B3GALT1: variants seen among roughly 807,000 people sequenced by gnomAD.
The protein encoded by B3GALT1 is beta-1,3-galactosyltransferase 1, also known as UDP-Gal:betaGlcNAc beta 1,3-galactosyltransferase, polypeptide 1.
B3GALT1 carries 10 observed loss-of-function variants against 23.2 expected under a neutral mutation model. The observed-to-expected ratio is 0.43, with a 90% CI of 0.27 to 0.73. B3GALT1 has a LOEUF of 0.73. B3GALT1 is among the 30% of genes least tolerant of loss of function. The pLI, the probability that B3GALT1 is intolerant of heterozygous loss-of-function variation, is 0.21. For missense variants in B3GALT1, 299 were observed against 405.4 expected (o/e 0.74, Z 2.25); for synonymous variants, 156 against 141.5 (o/e 1.10, Z -0.73).
intron 2 of B3GALT1, among the ~76,000 whole-genome samples, chr2:167,507,555 A>C (rs2105351815): frequency 6.6e-6 from 1 of 150,974 alleles, no homozygotes; most frequent in Non-Finnish European, 1.5e-5. Context: ...AGGTGGTATT[A>C]AGAAAAGAAT....
At chr2:167,656,805 A>C (rs1346758306) in intron 3 of B3GALT1, among the ~76,000 whole-genome samples, 1 of 152,168 alleles carries the variant, frequency 6.6e-6, no homozygotes, top group Non-Finnish European at 1.5e-5. Flanking sequence ...GCACTTTCCT[A>C]ATAGATTTAG....
At chr2:167,444,081 C>T (rs201266146) in intron 1 of B3GALT1, among the ~76,000 whole-genome samples, 3 of 152,174 alleles carry the variant, frequency 2.0e-5, no homozygotes, top group South Asian at 2.1e-4. Flanking sequence ...GCATGAAGGG[C>T]TGTTGAATTT....
chr2:167,451,822 A>G (rs1699096821), intron 1 of B3GALT1, among the ~76,000 whole-genome samples: 1 of 152,160 alleles, frequency 6.6e-6, no homozygotes, highest in South Asian at 2.1e-4. Context: ...AGGGTGATGT[A>G]TGTCTGAGCT....
intron 3 of B3GALT1, among the ~76,000 whole-genome samples, chr2:167,795,773 C>T (rs1441889461): frequency 6.6e-6 from 1 of 152,174 alleles, no homozygotes; most frequent in Admixed American, 6.5e-5. Flanking sequence ...CACCAATCAG[C>T]ATTATAGAAA....
chr2:167,782,480 C>G (rs1688263629), intron 3 of B3GALT1, among the ~76,000 whole-genome samples: 2 of 152,316 alleles, frequency 1.3e-5, no homozygotes, highest in South Asian at 4.1e-4. Context: ...TGGGGCACAA[C>G]TCTTGATACT....
intron 2 of B3GALT1, among the ~76,000 whole-genome samples, chr2:167,613,827 T>G (rs748603761): frequency 8.6e-5 from 13 of 151,796 alleles, no homozygotes; most frequent in Non-Finnish European, 1.9e-4. Context: ...ATAAAGATAT[T>G]TAAATATCAA....
chr2:167,774,497 G>GTTTTTTTTTTTTTTTTTT (rs397986581), intron 3 of B3GALT1, among the ~76,000 whole-genome samples: 4 of 83,008 alleles, frequency 4.8e-5, no homozygotes, highest in Non-Finnish European at 8.9e-5. Flanking sequence ...TTTTTTTTTT[G>GTTTTTTTTTTTTTTTTTT]TTTTTTTTTT....
At chr2:167,834,143 A>C (rs908764496) in intron 4 of B3GALT1, among the ~76,000 whole-genome samples, 1 of 152,178 alleles carries the variant, frequency 6.6e-6, no homozygotes, top group African/African-American at 2.4e-5. Context: ...AACAAACAGA[A>C]TGAGATCAGA....
At chr2:167,783,411 A>G (rs1473947562) in intron 3 of B3GALT1, among the ~76,000 whole-genome samples, 1 of 152,072 alleles carries the variant, frequency 6.6e-6, no homozygotes, top group Non-Finnish European at 1.5e-5. Flanking sequence ...GAGCTGCAAA[A>G]TCCATTATGT....
intron 3 of B3GALT1, among the ~76,000 whole-genome samples, chr2:167,813,877 G>A (rs985673721): frequency 2.0e-5 from 3 of 152,178 alleles, no homozygotes; most frequent in Non-Finnish European, 2.9e-5. Flanking sequence ...TCTCAGGATG[G>A]ACTAAGTTTA....
intron 2 of B3GALT1, among the ~76,000 whole-genome samples, chr2:167,543,851 A>G (rs537059559): frequency 6.6e-6 from 1 of 152,324 alleles, no homozygotes; most frequent in East Asian, 1.9e-4. Context: ...AATCAGACAT[A>G]TACTGGCTGT....
At chr2:167,855,410 G>A (rs927487793) in intron 4 of B3GALT1, among the ~76,000 whole-genome samples, 2 of 151,900 alleles carry the variant, frequency 1.3e-5, no homozygotes, top group African/African-American at 4.8e-5. Flanking sequence ...TTTCTCTTCT[G>A]TAAAATGGGA....
chr2:167,861,594 C>T (rs567148728), intron 4 of B3GALT1, among the ~76,000 whole-genome samples: 1 of 152,146 alleles, frequency 6.6e-6, no homozygotes, highest in Non-Finnish European at 1.5e-5. Flanking sequence ...AAGACTGAAC[C>T]AGAGATAGCA....
At position 167,782,283 on chromosome 2, in the gene B3GALT1, G is replaced by A. The variant is rs75337632; in HGVS notation, c.-351-36389G>A. Among the ~76,000 whole-genome samples the A allele has an allele frequency of 3.0e-4, 46 of 152,302 alleles. 1 individual carries two copies. In the East Asian group the frequency reaches 8.1e-3, roughly 27 times the overall value. On this transcript the variant is annotated intron_variant, in intron 3 of 4. Transcript: ENST00000392690. ...CCTGGGAATCCTGAAGAGGAACGGC[G>A]ATGCCCCTGGTGACTTTATTGAACA... is the stretch of plus-strand genomic sequence containing the variant.
At chr2:167,814,444 C>G (rs1688951134) in intron 3 of B3GALT1, among the ~76,000 whole-genome samples, 1 of 152,192 alleles carries the variant, frequency 6.6e-6, no homozygotes, top group African/African-American at 2.4e-5. Flanking sequence ...AGAATTCCTT[C>G]TACTGTGGCA....
At chr2:167,446,953 T>C (rs1389936989) in intron 1 of B3GALT1, among the ~76,000 whole-genome samples, 1 of 152,210 alleles carries the variant, frequency 6.6e-6, no homozygotes, top group African/African-American at 2.4e-5. Context: ...TTTTAGAATT[T>C]TCAGCTTTTG....
intron 2 of B3GALT1, among the ~76,000 whole-genome samples, chr2:167,628,689 A>G (rs1391479998): frequency 6.6e-6 from 1 of 151,782 alleles, no homozygotes; most frequent in East Asian, 1.9e-4. Context: ...AACTAGGTAA[A>G]GATAACAAAA....
chr2:167,643,273 T>G (rs1685687356), intron 2 of B3GALT1, among the ~76,000 whole-genome samples: 1 of 152,198 alleles, frequency 6.6e-6, no homozygotes, highest in Non-Finnish European at 1.5e-5. Flanking sequence ...CAAGTATTTT[T>G]GGGATATTAT....
intron 3 of B3GALT1, among the ~76,000 whole-genome samples, chr2:167,781,951 C>G (rs1038522924): frequency 1.3e-5 from 2 of 152,142 alleles, no homozygotes. Flanking sequence ...CCATGTTGGT[C>G]AGGCTCGTCT....
Sources: gnomAD v4.1 joint callset for allele counts (sites outside exome capture counted in the v4.1 genomes callset) on GRCh38, gnomAD v4.1.1 for gene constraint, MANE v1.5 for transcripts, NCBI Gene and HGNC (gene_info 2026-07-23, HGNC 2026-07-21) for gene names.